ADAMTS1: variants seen among roughly 807,000 people sequenced by gnomAD.
ADAMTS1 encodes ADAM metallopeptidase with thrombospondin type 1 motif 1.
A neutral mutation model predicts 87.9 loss-of-function variants in ADAMTS1; 19 were observed. The observed-to-expected ratio is 0.22, with a 90% CI of 0.15 to 0.32. The LOEUF (loss-of-function observed/expected upper bound fraction) is 0.32. Among genes scored for constraint, ADAMTS1 ranks in the 10% least tolerant of loss-of-function variants. ADAMTS1 has a pLI of 1.00. For missense variants in ADAMTS1, 1,240 were observed against 1,259.1 expected, an observed-to-expected ratio of 0.98 and a Z score of 0.23; for synonymous variants, 542 against 501.8, an observed-to-expected ratio of 1.08 and a Z score of -1.07.
chr21:26,838,496 A>G lies in ADAMTS1; in HGVS notation c.2147T>C (p.Val716Ala). Residue 716 changes from valine (V) to alanine (A), a missense_variant, in exon 8 of 9, where the codon GTT (valine) becomes GCT (alanine). This residue lies in a region of ADAMTS1 where 402 missense variants were observed against 399.1 expected (regional missense o/e 1.01). Transcript: ENST00000284984. ...ACAAGTAGATCCATTTCCCCCGCAA[A>G]CACCACATTTATCAAACTTCTTTTT... Reference protein sequence around the residue: ...DSKKKFDKCGVCGGNGSTCKK... With the variant: ...DSKKKFDKCGACGGNGSTCKK... The G allele has an allele frequency of 6.2e-7, 1 of 1,614,142 alleles. No homozygotes were observed. The highest frequency in any genetic ancestry group is 8.5e-7 in the Non-Finnish European group (1 of 1,180,022).
intron 4 of ADAMTS1, among the ~76,000 whole-genome samples, 174 bp downstream of exon 4, chr21:26,840,824 C>T (rs192192553): frequency 1.3e-5 from 2 of 152,182 alleles, no homozygotes; most frequent in East Asian, 1.9e-4. Flanking sequence ...GCTACTCAAC[C>T]GGAAGCACTA....
chr21:26,843,300 T>C (rs422381), intron 1 of ADAMTS1, among the ~76,000 whole-genome samples: 117,485 of 152,170 alleles, frequency 0.77, 46,347 homozygotes, highest in African/African-American at 0.89. Context: ...CCAGGCATGA[T>C]TGATTATTTG....
intron 1 of ADAMTS1, chr21:26,843,606 C>A: frequency 2.2e-6 from 1 of 462,182 alleles, no homozygotes; most frequent in Non-Finnish European, 4.5e-6. Flanking sequence ...GGAGGCGGGG[C>A]AAACCCGGGA....
chr21:26,840,042 C>T lies in ADAMTS1; in HGVS notation c.1685G>A (p.Trp562Ter). 1 of 1,613,346 alleles carries T rather than the reference C, an allele frequency of 6.2e-7. No homozygotes were observed. The highest frequency in any genetic ancestry group is 8.5e-7 in the Non-Finnish European group (1 of 1,179,826). Residue 562 changes from tryptophan to a stop codon, truncating the protein, a stop_gained, in exon 6 of 9, where the codon TGG becomes TAG. Transcript: ENST00000284984. LOFTEE classifies it high-confidence loss of function. ...KHFDTPFHGS[W>*]GMWGPWGDCS... ...GTCTCCCCAAGGCCCCCACATTCCC[C>T]AGCTTCCATGAAAAGGCGTCTAAAT...
intron 7 of ADAMTS1, 198 bp from the exon 8 acceptor site, chr21:26,838,812 G>C: frequency 4.0e-6 from 2 of 500,848 alleles, no homozygotes; most frequent in Non-Finnish European, 6.9e-6. Flanking sequence ...GAAGAAATTA[G>C]ATATTTTTAA....
intron 4 of ADAMTS1, among the ~76,000 whole-genome samples, 161 bp from the exon 5 acceptor site, chr21:26,840,723 A>G (rs1281200967): frequency 6.6e-6 from 1 of 152,226 alleles, no homozygotes; most frequent in Non-Finnish European, 1.5e-5. Context: ...TTAGATTACT[A>G]TTAAGATCTT....
At position 26,838,099 on chromosome 21, in the gene ADAMTS1, T is replaced by G; in HGVS notation, c.2384A>C (p.Lys795Thr). The G allele has an allele frequency of 6.2e-7, 1 of 1,614,200 alleles. No individual in the cohort carries two copies. The highest frequency in any genetic ancestry group is 1.1e-5 in the South Asian group (1 of 91,084). Residue 795 changes from lysine (K) to threonine (T), a missense_variant, in exon 9 of 9, where the codon AAA becomes ACA. Lys to Thr is a moderately conservative substitution (Grantham distance 78, BLOSUM62 -1). Transcript: ENST00000284984. ...GCCGCTGTACCTCAAGACAACACCT[T>G]TGTACATAATGTCTTGCTCTAAGGT... ...LSTLEQDIMY[K>T]GVVLRYSGSS...
chr21:26,839,615 A>T lies in ADAMTS1; in HGVS notation c.2000T>A (p.Ile667Asn), dbSNP rs766774030. 6.8e-6 allele frequency: 11 copies of T among 1,606,770 alleles called. No individual in the cohort carries two copies. Among genetic ancestry groups the T allele is most frequent in the Non-Finnish European group, 6.8e-6 (8 of 1,174,354 alleles). ...GGGCTGCAAAACGAAGAAGTAGCCA[A>T]TGCCTTTGGCTTGGCAGATGAGCTT... is the stretch of plus-strand genomic sequence containing the variant. ...RCKLICQAKG[I>N]GYFFVLQPKV... is the part of the protein sequence containing the mutation. Residue 667 changes from isoleucine to asparagine, a missense_variant, in exon 7 of 9, where the codon ATT (isoleucine) becomes AAT (asparagine). This residue lies in a region of ADAMTS1 where 402 missense variants were observed against 399.1 expected (regional missense o/e 1.01). Coordinates refer to ENST00000284984, the MANE Select transcript of ADAMTS1 (RefSeq NM_006988.5).
chr21:26,843,673 C>A, intron 1 of ADAMTS1: 1 of 477,236 alleles, frequency 2.1e-6, no homozygotes, highest in Non-Finnish European at 4.3e-6. Context: ...CCGCCTGGGT[C>A]AGCCTTATAA....
intron 5 of ADAMTS1, 77 bp from the exon 6 acceptor site, chr21:26,840,138 A>G: frequency 1.3e-6 from 2 of 1,551,352 alleles, no homozygotes; most frequent in Non-Finnish European, 1.7e-6. Context: ...GCCACATGGG[A>G]CAAAGAATCA....
Position 26,839,849 on chromosome 21 carries a change from T to G in ADAMTS1, c.1852+26A>C, listed in dbSNP as rs759111061. 7 of 1,608,248 alleles carry G rather than the reference T, an allele frequency of 4.4e-6. No homozygotes were observed. In the Middle Eastern group the frequency reaches 8.3e-4, roughly 190 times the overall value. Reference sequence around the variant, plus strand: ...TACATCTTTTTTTAATCCAGTTTCTTAAAACCAGAGTCCGTTGCTCCTCAC... The same window carrying G: ...TACATCTTTTTTTAATCCAGTTTCTGAAAACCAGAGTCCGTTGCTCCTCAC... On this transcript the variant is annotated intron_variant, in intron 6 of 8. Transcript: ENST00000284984.
At position 26,840,339 on chromosome 21, in the gene ADAMTS1, A is replaced by G. The variant is rs1305068204; in HGVS notation, c.1602T>C (p.Cys534=). 1.2e-6 allele frequency: 2 copies of G among 1,614,040 alleles called. No individual in the cohort carries two copies. The highest frequency in any genetic ancestry group is 1.3e-5 in the African/African-American group (1 of 74,920). The part of the protein sequence containing the change: ...KHFPWADGTS[C]GEGKWCINGK... ...CGTTGATACACCATTTCCCTTCTCC[A>G]CAGCTGGTGCCATCCGCCCACGGGA... is the stretch of plus-strand genomic sequence containing the variant. The change falls in exon 5 of 9, where the codon TGT becomes TGC. Residue 534 remains cysteine, a synonymous_variant. Transcript: ENST00000284984.
Position 26,837,312 on chromosome 21 carries a change from AAAT to A in ADAMTS1, c.*264_*266del, listed in dbSNP as rs1014137323. ...AAACTTGTAATAGATGTAACAAAAG[AAAT>A]AATAATAATAATGCCCGGGGCTTTA... is the stretch of plus-strand genomic sequence containing the variant. On this transcript the variant is annotated 3_prime_UTR_variant, in exon 9 of 9. Coordinates refer to ENST00000284984, the MANE Select transcript of ADAMTS1 (RefSeq NM_006988.5). The A allele has an allele frequency of 1.4e-4, 52 of 369,582 alleles. No homozygotes were observed. Among genetic ancestry groups the A allele is most frequent in the East Asian group, 2.9e-4 (7 of 24,420 alleles). 22.9% of individuals were successfully genotyped at this position (369,582 alleles called of 1,614,324 possible).
rs1601921015 is a variant in ADAMTS1, at chr21:26,837,652, G to C, written c.2831C>G (p.Ser944Cys). ...CTTTAAAGGATCACAGCTCTCATGAGATAACACCCCTCCATCATGGGACAG... is the reference window on the plus strand; with the variant it reads ...CTTTAAAGGATCACAGCTCTCATGACATAACACCCCTCCATCATGGGACAG... ...KCLSHDGGVL[S>C]HESCDPLKKP... Residue 944 changes from serine to cysteine, a missense_variant, in exon 9 of 9, where the codon TCT becomes TGT. Transcript: ENST00000284984. 1 of 1,614,178 alleles carries C rather than the reference G, an allele frequency of 6.2e-7. No individual in the cohort carries two copies. Among genetic ancestry groups the C allele is most frequent in the East Asian group, 2.2e-5 (1 of 44,870 alleles).
At position 26,838,368 on chromosome 21, in the gene ADAMTS1, AT is replaced by A. The variant is rs951612731; in HGVS notation, c.2204+70del. 237 of 1,587,124 alleles carry A rather than the reference AT, an allele frequency of 1.5e-4. No homozygotes were observed. The African/African-American group carries it at 1.9e-3, about 12-fold the overall frequency. Reference sequence around the variant, plus strand: ...AACACATTAATCTTTTATGAGACATATTTTTTTCCCAGACCTGTTGAAAGGC... The same window carrying A: ...AACACATTAATCTTTTATGAGACATATTTTTTCCCAGACCTGTTGAAAGGC... On this transcript the variant is annotated intron_variant, in intron 8 of 8. Transcript: ENST00000284984.
rs778509338 is a variant in ADAMTS1 at position 26,844,297 on chromosome 21, T to C, written c.658A>G (p.Thr220Ala). ...KAETEDEDEGTEGEDEGAQWS... is the reference protein window; with the variant it reads ...KAETEDEDEGAEGEDEGAQWS... ...TGAGCCCCTTCGTCCTCGCCCTCAG[T>C]CCCTTCGTCCTCGTCTTCGGTCTCC... The change falls in exon 1 of 9, where the codon ACT becomes GCT. Residue 220 changes from threonine (T) to alanine (A), a missense_variant. By Grantham distance (58) the Thr-to-Ala change is moderately conservative. Coordinates refer to ENST00000284984, the MANE Select transcript of ADAMTS1 (RefSeq NM_006988.5). 2 of 1,608,978 alleles carry C rather than the reference T, an allele frequency of 1.2e-6. No individual in the cohort carries two copies. The highest frequency in any genetic ancestry group is 1.7e-6 in the Non-Finnish European group (2 of 1,178,390).
Position 26,841,936 on chromosome 21 carries a change from C to G in ADAMTS1, c.1132G>C (p.Val378Leu). The G allele has an allele frequency of 6.2e-7, 1 of 1,614,160 alleles. No individual in the cohort carries two copies. The highest frequency in any genetic ancestry group is 1.1e-5 in the South Asian group (1 of 91,078). Residue 378 changes from valine (V) to leucine (L), a missense_variant, in exon 3 of 9, where the codon GTG becomes CTG. Physicochemically the swap from Val to Leu is conservative, Grantham distance 32 (BLOSUM62 1). This residue lies in a region of ADAMTS1 where 317 missense variants were observed against 410.3 expected (regional missense o/e 0.77). Transcript: ENST00000284984. ...DTLGMADVGT[V>L]CDPSRSCSVI... ...GAGCAGCTTCTGCTCGGATCACACA[C>G]AGTTCCAACATCAGCCATCCCAAGA...
Position 26,837,662 on chromosome 21 carries a change from C to T in ADAMTS1, c.2821G>A (p.Gly941Arg), listed in dbSNP as rs955310877. Reference protein sequence around the residue: ...RSLKCLSHDGGVLSHESCDPL... With the variant: ...RSLKCLSHDGRVLSHESCDPL... Reference sequence around the variant, plus strand: ...TCACAGCTCTCATGAGATAACACCCCTCCATCATGGGACAGACACTTCAAG... The same window carrying T: ...TCACAGCTCTCATGAGATAACACCCTTCCATCATGGGACAGACACTTCAAG... Residue 941 changes from glycine (G) to arginine (R), a missense_variant, in exon 9 of 9, where the codon GGG (glycine) becomes AGG (arginine). Physicochemically the swap from Gly to Arg is moderately radical, Grantham distance 125. Coordinates refer to ENST00000284984, the MANE Select transcript of ADAMTS1 (RefSeq NM_006988.5). 5 of 1,614,208 alleles carry T rather than the reference C, an allele frequency of 3.1e-6. No homozygotes were observed. Among genetic ancestry groups the T allele is most frequent in the Non-Finnish European group, 4.2e-6 (5 of 1,180,044 alleles).
At position 26,845,362 on chromosome 21, in the gene ADAMTS1, C is replaced by A; in HGVS notation, c.-408G>T. 5.7e-6 allele frequency: 1 copy of A among 174,102 alleles called. No homozygotes were observed. The allele number at this position is 174,102 out of a possible 1,614,324, so 10.8% of individuals were successfully genotyped here. On this transcript the variant is annotated 5_prime_UTR_variant, in exon 1 of 9. Coordinates refer to ENST00000284984, the MANE Select transcript of ADAMTS1 (RefSeq NM_006988.5). ...CTCCCCTCTCCGTCCGGTAGCGCAC[C>A]CTGGCTTTGCAATAGCCCCTGGCTC... is the stretch of plus-strand genomic sequence containing the variant.
Sources: allele counts gnomAD v4.1 joint callset (sites outside exome capture counted in the v4.1 genomes callset), GRCh38; gene constraint gnomAD v4.1.1; regional missense constraint gnomAD v4.1.1; transcripts MANE v1.5; gene names NCBI Gene and HGNC (gene_info 2026-07-23, HGNC 2026-07-21).